VWA3A: variants seen among roughly 807,000 people sequenced by gnomAD.
VWA3A encodes the protein von Willebrand factor A domain-containing protein 3A.
Under a neutral mutation model 160.4 loss-of-function variants are expected in VWA3A, and 134 were observed. The ratio of observed to expected loss-of-function variants is 0.84; its 90% CI spans 0.73 to 0.96. VWA3A has a LOEUF of 0.96. Ranked by LOEUF, VWA3A falls within the 40% of genes least tolerant of loss-of-function variation. VWA3A has a pLI of 0.00. For synonymous variants in VWA3A, 476 were observed against 543.4 expected (o/e 0.88, Z 1.72); for missense variants, 1,310 against 1,447.9 (o/e 0.90, Z 1.55).
intron 31 of VWA3A, among the ~76,000 whole-genome samples, chr16:22,154,608 G>A (rs1298694274): frequency 1.3e-5 from 2 of 151,876 alleles, no homozygotes; most frequent in East Asian, 1.9e-4. Flanking sequence ...GGATTGGTAA[G>A]ATGTATTTTT....
rs181238075 is a variant in VWA3A, at chr16:22,126,433, T to C, written c.1652+136T>C. ...CCCGGCTTCCTAGGATAGCCATCGG[T>C]TTATCTGATTTGGATGATCTTGTTT... On this transcript the variant is annotated intron_variant, in intron 17 of 33. Coordinates refer to ENST00000389398, the MANE Select transcript of VWA3A (RefSeq NM_173615.5). 12 of 1,272,308 alleles carry C rather than the reference T, an allele frequency of 9.4e-6. No homozygotes were observed. In the East Asian group the frequency reaches 3.0e-4, roughly 32 times the overall value. 78.8% of individuals were successfully genotyped at this position (1,272,308 alleles called of 1,614,324 possible).
intron 21 of VWA3A, among the ~76,000 whole-genome samples, chr16:22,137,080 T>C (rs2046057927): frequency 7.4e-6 from 1 of 135,220 alleles, no homozygotes; most frequent in Non-Finnish European, 1.5e-5. Flanking sequence ...TCTAAATAAA[T>C]AAATAAATAA....
intron 26 of VWA3A, among the ~76,000 whole-genome samples, chr16:22,144,922 TA>T (rs2046221789): frequency 6.6e-6 from 1 of 151,944 alleles, no homozygotes; most frequent in African/African-American, 2.4e-5. Flanking sequence ...TCTTAAAACA[TA>T]AAAAGGAAAA....
intron 1 of VWA3A, among the ~76,000 whole-genome samples, chr16:22,095,200 A>G (rs1301732749): frequency 6.6e-6 from 1 of 152,234 alleles, no homozygotes; most frequent in Non-Finnish European, 1.5e-5. Flanking sequence ...AAGGAAACTG[A>G]AATATAATGG....
intron 17 of VWA3A, among the ~76,000 whole-genome samples, chr16:22,128,154 G>A (rs1017075159): frequency 1.3e-5 from 2 of 152,148 alleles, no homozygotes; most frequent in Non-Finnish European, 2.9e-5. Flanking sequence ...ACCAGGTGAT[G>A]GAGGATTGAT....
chr16:22,138,658 C>G, intron 22 of VWA3A, 146 bp downstream of exon 22: 2 of 1,097,632 alleles, frequency 1.8e-6, no homozygotes, highest in Non-Finnish European at 2.5e-6. Flanking sequence ...CTTGCCCAGG[C>G]CTCCAGGGGG....
intron 17 of VWA3A, among the ~76,000 whole-genome samples, chr16:22,127,573 AG>A (rs1320582590): frequency 4.6e-5 from 7 of 152,354 alleles, no homozygotes; most frequent in Non-Finnish European, 8.8e-5. Context: ...GTCAACAGTT[AG>A]TATTAGATAT....
At chr16:22,144,169 G>C (rs1259919587) in intron 25 of VWA3A, 78 bp from the exon 26 acceptor site, 1 of 1,472,488 alleles carries the variant, frequency 6.8e-7, no homozygotes, top group Non-Finnish European at 9.1e-7. Flanking sequence ...CAAACATGAG[G>C]TTCTCATAGA....
At chr16:22,147,435 C>A (rs2046273108) in intron 27 of VWA3A, 5 of 619,240 alleles carry the variant, frequency 8.1e-6, no homozygotes, top group Non-Finnish European at 1.2e-5. Context: ...ACAGCTAGAA[C>A]TGGACAGGAG....
At chr16:22,152,293 G>A (rs991820159) in intron 30 of VWA3A, among the ~76,000 whole-genome samples, 2 of 152,140 alleles carry the variant, frequency 1.3e-5, no homozygotes, top group Admixed American at 6.5e-5. Flanking sequence ...CTCACACGGG[G>A]ACTCCTCTTC....
intron 8 of VWA3A, among the ~76,000 whole-genome samples, chr16:22,113,273 C>T (rs1014433460): frequency 2.0e-5 from 3 of 147,240 alleles, no homozygotes; most frequent in Non-Finnish European, 3.0e-5. Flanking sequence ...CTCACCACAA[C>T]ATCTGCTTCC....
At position 22,123,543 on chromosome 16, in the gene VWA3A, G is replaced by A. The variant is rs753549843; in HGVS notation, c.1438-70G>A. On this transcript the variant is annotated intron_variant, in intron 15 of 33. Coordinates refer to ENST00000389398, the MANE Select transcript of VWA3A (RefSeq NM_173615.5). ...TTCCCTGAAGCCCACCCAGGTACAC[G>A]TACTTCCCCTCAGGCCCCTTGGTTG... 2.9e-5 allele frequency: 46 copies of A among 1,611,960 alleles called. 1 individual carries two copies. In the South Asian group the frequency reaches 3.0e-4, roughly 10 times the overall value.
At chr16:22,134,504 C>G (rs2046006501) in intron 21 of VWA3A, 66 bp downstream of exon 21, 3 of 1,354,986 alleles carry the variant, frequency 2.2e-6, no homozygotes, top group Non-Finnish European at 3.0e-6. Flanking sequence ...GCTACCATAA[C>G]TGCCACAAAC....
At chr16:22,154,427 CA>C (rs2046403485) in intron 31 of VWA3A, among the ~76,000 whole-genome samples, 1 of 136,460 alleles carries the variant, frequency 7.3e-6, no homozygotes, top group Non-Finnish European at 1.5e-5. Flanking sequence ...CTCCTGGGTT[CA>C]AGTGATTCTC....
At chr16:22,138,260 T>A in intron 21 of VWA3A, 100 bp from the exon 22 acceptor site, 1 of 1,404,548 alleles carries the variant, frequency 7.1e-7, no homozygotes, top group Non-Finnish European at 9.6e-7. Flanking sequence ...CCAGGGGACA[T>A]CAGAGGTTCC....
intron 16 of VWA3A, among the ~76,000 whole-genome samples, chr16:22,124,250 T>A (rs1249090814): frequency 1.4e-5 from 2 of 146,522 alleles, no homozygotes; most frequent in Non-Finnish European, 3.0e-5. Context: ...GGGTCATGGA[T>A]GAATAGATCC....
chr16:22,095,388 A>G (rs912141924), intron 1 of VWA3A, among the ~76,000 whole-genome samples: 1 of 152,172 alleles, frequency 6.6e-6, no homozygotes, highest in Non-Finnish European at 1.5e-5. Flanking sequence ...AACACAGAGG[A>G]GAGCAGTGGT....
At chr16:22,125,700 G>A (rs988308514) in intron 16 of VWA3A, among the ~76,000 whole-genome samples, 1 of 152,104 alleles carries the variant, frequency 6.6e-6, no homozygotes, top group Non-Finnish European at 1.5e-5. Context: ...TGGGATTACA[G>A]GCGTGAGCCA....
intron 24 of VWA3A, 21 bp from the exon 25 acceptor site, chr16:22,142,647 A>G (rs762541984): frequency 1.1e-4 from 170 of 1,539,336 alleles, no homozygotes; most frequent in Non-Finnish European, 1.5e-4. Context: ...TATAGCAATG[A>G]CCTCACTCTG....
Sources: allele counts gnomAD v4.1 joint callset (sites outside exome capture counted in the v4.1 genomes callset), GRCh38; gene constraint gnomAD v4.1.1; transcripts MANE v1.5; gene names NCBI Gene and HGNC (gene_info 2026-07-23, HGNC 2026-07-21).